Variants in LRRC4C observed in about 807,000 individuals in gnomAD.
The protein encoded by LRRC4C is leucine rich repeat containing 4C, also known as leucine-rich repeat-containing protein 4C.
In LRRC4C, 5 loss-of-function variants were observed where a neutral mutation model predicts 33.6. That is an observed-to-expected ratio of 0.15 (90% CI 0.08 to 0.31). LRRC4C has a LOEUF of 0.31. LRRC4C is among the 10% of genes least tolerant of loss of function. LRRC4C has a pLI of 1.00. For missense variants in LRRC4C, 560 were observed against 796.7 expected, an observed-to-expected ratio of 0.70 and a Z score of 3.58; for synonymous variants, 329 against 302.0, an observed-to-expected ratio of 1.09 and a Z score of -0.93.
intron 1 of LRRC4C, among the ~76,000 whole-genome samples, chr11:41,264,676 C>T (rs1949092179): frequency 6.6e-6 from 1 of 152,118 alleles, no homozygotes; most frequent in African/African-American, 2.4e-5. Context: ...TATATATTCA[C>T]TCTGTGTTAG....
chr11:40,725,822 G>A (rs1490054476), intron 2 of LRRC4C, among the ~76,000 whole-genome samples: 1 of 152,030 alleles, frequency 6.6e-6, no homozygotes, highest in Non-Finnish European at 1.5e-5. Flanking sequence ...TCTCTTTCCT[G>A]TGTGCTGCTC....
chr11:40,903,637 T>C (rs555680653), intron 2 of LRRC4C, among the ~76,000 whole-genome samples: 1 of 152,282 alleles, frequency 6.6e-6, no homozygotes, highest in East Asian at 1.9e-4. Flanking sequence ...TTAATTAGTT[T>C]GTAAGATGAT....
At chr11:40,913,572 C>A (rs2079876249) in intron 2 of LRRC4C, among the ~76,000 whole-genome samples, 1 of 151,970 alleles carries the variant, frequency 6.6e-6, no homozygotes. Flanking sequence ...ATTTATAGCA[C>A]TAAATGCCCA....
intron 3 of LRRC4C, among the ~76,000 whole-genome samples, chr11:40,470,324 A>C (rs1952866456): frequency 6.6e-6 from 1 of 152,230 alleles, no homozygotes; most frequent in African/African-American, 2.4e-5. Context: ...AACAAACAGA[A>C]AGGAATACCA....
At chr11:40,928,955 G>A (rs73484722) in intron 2 of LRRC4C, among the ~76,000 whole-genome samples, 8,266 of 152,140 alleles carry the variant, frequency 0.054, 316 homozygotes, top group South Asian at 0.14. Context: ...ACATTTTGGT[G>A]CATAATTGTA....
chr11:40,930,660 C>T (rs57240556), intron 2 of LRRC4C, among the ~76,000 whole-genome samples: 9,103 of 152,162 alleles, frequency 0.06, 386 homozygotes, highest in Admixed American at 0.15. Context: ...CCCTGAATTG[C>T]TGCTGTGTCT....
chr11:40,509,718 CTT>C (rs1214996089), intron 3 of LRRC4C, among the ~76,000 whole-genome samples: 1 of 152,028 alleles, frequency 6.6e-6, no homozygotes, highest in Non-Finnish European at 1.5e-5. Flanking sequence ...TTAAATAAAA[CTT>C]TATCGTGTTT....
chr11:41,053,688 G>A (rs973823310), intron 1 of LRRC4C, among the ~76,000 whole-genome samples: 1 of 152,090 alleles, frequency 6.6e-6, no homozygotes, highest in African/African-American at 2.4e-5. Flanking sequence ...ATTCTAGACT[G>A]GAAAGTATTG....
intron 3 of LRRC4C, among the ~76,000 whole-genome samples, chr11:40,428,426 C>G (rs987349243): frequency 6.6e-6 from 1 of 152,154 alleles, no homozygotes; most frequent in Non-Finnish European, 1.5e-5. Flanking sequence ...AAGCTGATCT[C>G]TAAGCTCTAT....
chr11:40,163,041 A>C (rs980417563), intron 5 of LRRC4C, among the ~76,000 whole-genome samples: 3 of 152,178 alleles, frequency 2.0e-5, no homozygotes, highest in African/African-American at 7.2e-5. Flanking sequence ...AAAGGGCAGC[A>C]ACCATATTGC....
intron 2 of LRRC4C, among the ~76,000 whole-genome samples, chr11:40,867,717 G>A (rs1954437940): frequency 6.6e-6 from 1 of 152,148 alleles, no homozygotes; most frequent in South Asian, 2.1e-4. Context: ...TGCTAAGACG[G>A]AAATGACAAC....
chr11:41,018,090 T>C (rs1378155650), intron 1 of LRRC4C, among the ~76,000 whole-genome samples: 1 of 152,078 alleles, frequency 6.6e-6, no homozygotes, highest in Non-Finnish European at 1.5e-5. Flanking sequence ...TAAAATAAAT[T>C]GAAAATATGC....
At chr11:40,455,718 G>T (rs912607316) in intron 3 of LRRC4C, among the ~76,000 whole-genome samples, 1 of 152,068 alleles carries the variant, frequency 6.6e-6, no homozygotes, top group African/African-American at 2.4e-5. Flanking sequence ...CCATGTATGT[G>T]TCTCTGCTTT....
Position 40,477,343 on chromosome 11 carries a change from C to G in LRRC4C, c.-269-157622G>C, listed in dbSNP as rs564948363. 5.9e-5 allele frequency among the ~76,000 whole-genome samples: 9 copies of G among 152,164 alleles called. No individual in the cohort carries two copies. In the East Asian group the frequency reaches 1.7e-3, roughly 30 times the overall value. ...ATCAGACTCCTTAATTCAGAACCAG[C>G]TGCTTGGTTTTCTATCCTATAGTTA... On this transcript the variant is annotated intron_variant, in intron 3 of 6. Coordinates refer to ENST00000528697, the MANE Select transcript of LRRC4C (RefSeq NM_001258419.2).
At chr11:41,109,270 A>G (rs1436587904) in intron 1 of LRRC4C, among the ~76,000 whole-genome samples, 2 of 152,064 alleles carry the variant, frequency 1.3e-5, no homozygotes, top group African/African-American at 4.8e-5. Flanking sequence ...AGTGGAAAAT[A>G]ATTACTGACG....
intron 2 of LRRC4C, among the ~76,000 whole-genome samples, chr11:40,929,341 C>T (rs1957517701): frequency 6.6e-6 from 1 of 152,152 alleles, no homozygotes; most frequent in South Asian, 2.1e-4. Flanking sequence ...GCCCTCACCA[C>T]TATGCAATAT....
chr11:40,833,127 A>G (rs757198906), intron 2 of LRRC4C, among the ~76,000 whole-genome samples: 123 of 152,304 alleles, frequency 8.1e-4, no homozygotes, highest in Non-Finnish European at 9.9e-4. Flanking sequence ...TTACAAAGGC[A>G]TAGTGGATCT....
intron 1 of LRRC4C, among the ~76,000 whole-genome samples, chr11:41,359,311 T>A (rs967070064): frequency 2.0e-5 from 3 of 152,128 alleles, no homozygotes; most frequent in Non-Finnish European, 4.4e-5. Context: ...AAATGTACAA[T>A]AGCAAGAGTG....
intron 5 of LRRC4C, among the ~76,000 whole-genome samples, chr11:40,148,956 G>C (rs1857969342): frequency 6.6e-6 from 1 of 152,162 alleles, no homozygotes; most frequent in Non-Finnish European, 1.5e-5. Flanking sequence ...CACATTGCTT[G>C]TTTTTGTCAG....
Sources: gnomAD v4.1 joint callset for allele counts (sites outside exome capture counted in the v4.1 genomes callset) on GRCh38, gnomAD v4.1.1 for gene constraint, MANE v1.5 for transcripts, NCBI Gene and HGNC (gene_info 2026-07-23, HGNC 2026-07-21) for gene names.